KIF27: variants seen among roughly 807,000 people sequenced by gnomAD.
KIF27 encodes the protein kinesin-like protein KIF27.
Under a neutral mutation model 141.8 loss-of-function variants are expected in KIF27, and 84 were observed. The ratio of observed to expected loss-of-function variants is 0.59; its 90% confidence interval spans 0.50 to 0.71. KIF27 has a LOEUF of 0.71. Ranked by LOEUF, KIF27 falls within the 30% of genes least tolerant of loss-of-function variation. The probability of loss-of-function intolerance (pLI) is 0.00; values close to 1 mark genes in which losing one functional copy is unlikely to be tolerated. For synonymous variants in KIF27, 471 were observed against 569.5 expected, an observed-to-expected ratio of 0.83 and a Z score of 2.46; for missense variants, 1,306 against 1,628.4, an observed-to-expected ratio of 0.80 and a Z score of 3.41.
intron 17 of KIF27, among the ~76,000 whole-genome samples, chr9:83,838,302 C>T (rs1306598813): frequency 5.3e-5 from 8 of 151,842 alleles, no homozygotes; most frequent in Admixed American, 2.0e-4. Flanking sequence ...GGCGTGATCT[C>T]GGCTCACTGC....
intron 4 of KIF27, 81 bp downstream of exon 4, chr9:83,902,979 A>T: frequency 1.2e-6 from 1 of 815,116 alleles, no homozygotes; most frequent in Non-Finnish European, 1.9e-6. Context: ...TAAATATGTT[A>T]ACACATGTAC....
intron 4 of KIF27, among the ~76,000 whole-genome samples, chr9:83,901,762 A>T (rs1953918088): frequency 6.6e-6 from 1 of 152,012 alleles, no homozygotes; most frequent in Non-Finnish European, 1.5e-5. Flanking sequence ...AGTCCCAGAT[A>T]CTCGGGAGGC....
At chr9:83,919,157 T>TA (rs1467884773) in intron 1 of KIF27, among the ~76,000 whole-genome samples, 1 of 152,158 alleles carries the variant, frequency 6.6e-6, no homozygotes, top group Admixed American at 6.5e-5. Flanking sequence ...AGACAGATCA[T>TA]AAGTGTTGGC....
chr9:83,858,098 G>A (rs1767289847), intron 14 of KIF27, among the ~76,000 whole-genome samples: 3 of 151,340 alleles, frequency 2.0e-5, no homozygotes, highest in African/African-American at 7.3e-5. Flanking sequence ...TAACCCTTAG[G>A]CTCCAATTTA....
At chr9:83,906,513 G>C (rs11140289) in intron 3 of KIF27, among the ~76,000 whole-genome samples, 47,536 of 151,918 alleles carry the variant, frequency 0.31, 8,098 homozygotes, top group African/African-American at 0.45. Flanking sequence ...GGCCAAAGCA[G>C]GCAGATCTCT....
At chr9:83,867,228 TCA>T (rs1221190157) in intron 13 of KIF27, among the ~76,000 whole-genome samples, 4 of 152,208 alleles carry the variant, frequency 2.6e-5, no homozygotes, top group Non-Finnish European at 4.4e-5. Context: ...GTATGGATAA[TCA>T]CAGTTTATCC....
At chr9:83,915,847 G>T (rs888325839) in intron 1 of KIF27, among the ~76,000 whole-genome samples, 169 bp from the exon 2 acceptor site, 1 of 152,094 alleles carries the variant, frequency 6.6e-6, no homozygotes, top group Non-Finnish European at 1.5e-5. Context: ...AGACAAACTA[G>T]TATGTCTTGG....
chr9:83,879,964 C>T (rs1400061869), intron 11 of KIF27, among the ~76,000 whole-genome samples: 1 of 152,176 alleles, frequency 6.6e-6, no homozygotes, highest in Non-Finnish European at 1.5e-5. Context: ...ACTTTGAAAA[C>T]AGAAAATCCT....
intron 13 of KIF27, chr9:83,860,063 G>A (rs1244279576): frequency 6.6e-6 from 1 of 152,018 alleles, no homozygotes; most frequent in Non-Finnish European, 1.5e-5. Flanking sequence ...CATATGATTG[G>A]TTGGCTTAAA....
At chr9:83,888,947 G>T in intron 7 of KIF27, 137 bp downstream of exon 7, 1 of 931,248 alleles carries the variant, frequency 1.1e-6, no homozygotes, top group Non-Finnish European at 1.5e-6. Context: ...CACATTAGAT[G>T]ATAGTACTTT....
In KIF27 at chr9:83,915,355, A is replaced by G. The variant is rs764770946; in HGVS notation, c.237T>C (p.Thr79=). The G allele has an allele frequency of 3.3e-5, 54 of 1,613,754 alleles. No individual in the cohort carries two copies. Among genetic ancestry groups the G allele is most frequent in the Non-Finnish European group, 4.3e-5 (51 of 1,179,822 alleles). ...ATCCAGTTTGTCCATAGGCAAAAAC[A>G]GTTGCATTATAGCCCTCAATGAGTG... ...VLSLIEGYNA[T]VFAYGQTGSG... is the part of the protein sequence containing the mutation. Residue 79 remains threonine, a synonymous_variant, in exon 2 of 18, where the codon ACT becomes ACC. Coordinates refer to ENST00000297814, the MANE Select transcript of KIF27 (RefSeq NM_017576.4).
rs1945663738 is a variant in KIF27 at position 83,835,011 on chromosome 9, TTAAA to T, written c.*1986_*1989del. Among the ~76,000 whole-genome samples the T allele has an allele frequency of 6.7e-6, 1 of 148,984 alleles. No homozygotes were observed. The highest frequency in any genetic ancestry group is 1.5e-5 in the Non-Finnish European group (1 of 67,436). On this transcript the variant is annotated 3_prime_UTR_variant, in exon 18 of 18. Transcript: ENST00000297814. ...TCAACAAAGCACAGCAATAATATATTTAAATAAATATGTATTTATTAACAAAGAT... is the reference window on the plus strand; with the variant it reads ...TCAACAAAGCACAGCAATAATATATTTAAATATGTATTTATTAACAAAGAT...
At chr9:83,863,146 T>A (rs2131931550) in intron 13 of KIF27, among the ~76,000 whole-genome samples, 1 of 152,308 alleles carries the variant, frequency 6.6e-6, no homozygotes, top group East Asian at 1.9e-4. Flanking sequence ...CTTCCTCTTT[T>A]CCTAACTGAA....
At chr9:83,848,247 CAGATATGAT>C (rs1348078335) in intron 16 of KIF27, among the ~76,000 whole-genome samples, 1 of 85,996 alleles carries the variant, frequency 1.2e-5, no homozygotes, top group Admixed American at 1.1e-4. Flanking sequence ...TATGATATAT[CAGATATGAT>C]ATATATGATA....
At chr9:83,846,709 C>A (rs1254795142) in intron 16 of KIF27, among the ~76,000 whole-genome samples, 1 of 152,126 alleles carries the variant, frequency 6.6e-6, no homozygotes, top group Non-Finnish European at 1.5e-5. Context: ...CCCTAGTGAT[C>A]CATTAGCAAC....
At chr9:83,916,872 C>T (rs1487550509) in intron 1 of KIF27, among the ~76,000 whole-genome samples, 3 of 152,072 alleles carry the variant, frequency 2.0e-5, no homozygotes, top group Non-Finnish European at 4.4e-5. Flanking sequence ...ACCGTGTTAG[C>T]CAGGACGGTC....
chr9:83,897,656 T>C (rs1953412508), intron 5 of KIF27, among the ~76,000 whole-genome samples: 3 of 152,038 alleles, frequency 2.0e-5, no homozygotes, highest in Admixed American at 1.3e-4. Context: ...AAGATACCAC[T>C]GAGAGTAAAA....
At chr9:83,876,750 A>G (rs1951229708) in intron 11 of KIF27, among the ~76,000 whole-genome samples, 2 of 152,342 alleles carry the variant, frequency 1.3e-5, no homozygotes, top group Admixed American at 1.3e-4. Context: ...GAGTTTAGTA[A>G]CCATATATCT....
At chr9:83,859,402 A>G in intron 13 of KIF27, 31 bp from the exon 14 acceptor site, 2 of 1,486,034 alleles carry the variant, frequency 1.3e-6, no homozygotes, top group Non-Finnish European at 1.9e-6. Flanking sequence ...GCCACCTCAA[A>G]AACAGTTACT....
Sources: gnomAD v4.1 joint callset for allele counts (sites outside exome capture counted in the v4.1 genomes callset) on GRCh38, gnomAD v4.1.1 for gene constraint, MANE v1.5 for transcripts, NCBI Gene and HGNC (gene_info 2026-07-23, HGNC 2026-07-21) for gene names.